ARHGAP15: variants seen among roughly 807,000 people sequenced by gnomAD.
ARHGAP15 encodes Rho GTPase activating protein 15, also known as rho GTPase-activating protein 15.
A neutral mutation model predicts 63.7 loss-of-function variants in ARHGAP15; 51 were observed. That is an observed-to-expected ratio of 0.80 (90% CI 0.64 to 1.01). ARHGAP15 has a LOEUF of 1.01. Ranked by LOEUF, ARHGAP15 falls within the 50% of genes least tolerant of loss-of-function variation. The pLI is 0.00. For synonymous variants in ARHGAP15, 191 were observed against 193.8 expected (o/e 0.99, Z 0.12); for missense variants, 560 against 564.6 (o/e 0.99, Z 0.08).
intron 12 of ARHGAP15, among the ~76,000 whole-genome samples, chr2:143,696,851 C>CAGAT (rs1375154894): frequency 5.3e-5 from 8 of 152,180 alleles, no homozygotes; most frequent in Non-Finnish European, 5.9e-5. Context: ...TTATTTGAGT[C>CAGAT]AGATAGATTC....
chr2:143,171,690 AC>A (rs1263304982), intron 2 of ARHGAP15, among the ~76,000 whole-genome samples: 1 of 152,128 alleles, frequency 6.6e-6, no homozygotes, highest in Non-Finnish European at 1.5e-5. Flanking sequence ...CTCAAGCTGT[AC>A]CTAACCCTAA....
chr2:143,286,696 G>A (rs577340153), intron 6 of ARHGAP15, among the ~76,000 whole-genome samples: 2 of 152,260 alleles, frequency 1.3e-5, no homozygotes, highest in South Asian at 4.1e-4. Context: ...AAATGGAAAT[G>A]CATCGGCAGG....
At chr2:143,623,535 A>G (rs1698723735) in intron 11 of ARHGAP15, among the ~76,000 whole-genome samples, 1 of 149,186 alleles carries the variant, frequency 6.7e-6, no homozygotes, top group Non-Finnish European at 1.5e-5. Context: ...GATGAGAACT[A>G]AAAAAAAAAG....
chr2:143,635,194 C>CTTTTTTTTTTTT lies in ARHGAP15; in HGVS notation c.1138+10945_1138+10956dup, dbSNP rs10558886. Among the ~76,000 whole-genome samples the CTTTTTTTTTTTT allele has an allele frequency of 6.7e-4, 18 of 26,888 alleles. 3 individuals carry two copies. Among genetic ancestry groups the CTTTTTTTTTTTT allele is most frequent in the Non-Finnish European group, 1.0e-3 (17 of 16,378 alleles). 17.6% of individuals were successfully genotyped at this position (26,888 alleles called of 152,430 possible). A position where few individuals can be genotyped will look rare whatever the true frequency, so the allele number is the denominator to read the frequency against. ...AACTTTCATATTAACCTCTCAGGAG[C>CTTTTTTTTTTTT]TTTTTTTTTTTTTTTTTTTTTTTTT... On this transcript the variant is annotated intron_variant, in intron 12 of 13. Transcript: ENST00000295095.
chr2:143,383,587 A>G (rs1687146175), intron 6 of ARHGAP15, among the ~76,000 whole-genome samples: 3 of 152,232 alleles, frequency 2.0e-5, no homozygotes, highest in African/African-American at 7.2e-5. Flanking sequence ...CATTCTCGAT[A>G]TTAAGCCAGA....
chr2:143,553,085 G>C (rs1695643546), intron 10 of ARHGAP15, among the ~76,000 whole-genome samples: 1 of 152,156 alleles, frequency 6.6e-6, no homozygotes, highest in Admixed American at 6.6e-5. Context: ...AGGATGGCAC[G>C]TGAATAATTG....
intron 8 of ARHGAP15, among the ~76,000 whole-genome samples, chr2:143,467,130 A>G (rs1691255526): frequency 6.6e-6 from 1 of 151,930 alleles, no homozygotes; most frequent in Non-Finnish European, 1.5e-5. Context: ...GTTTTCCTTC[A>G]CATTATAGTA....
At chr2:143,197,967 TACAC>T (rs5834941) in intron 2 of ARHGAP15, among the ~76,000 whole-genome samples, 285 of 148,584 alleles carry the variant, frequency 1.9e-3, no homozygotes, top group Middle Eastern at 7.0e-3. Context: ...AGTGACTGCC[TACAC>T]ACACACACAC....
At chr2:143,437,669 G>C (rs1558971094) in intron 8 of ARHGAP15, among the ~76,000 whole-genome samples, 1 of 152,146 alleles carries the variant, frequency 6.6e-6, no homozygotes, top group East Asian at 1.9e-4. Flanking sequence ...ATGAAAAGGG[G>C]TTATTAAAAT....
At chr2:143,517,632 A>C (rs189663279) in intron 9 of ARHGAP15, among the ~76,000 whole-genome samples, 58 of 152,286 alleles carry the variant, frequency 3.8e-4, no homozygotes, top group Admixed American at 9.8e-4. Context: ...CCTTCTAAGC[A>C]AGGGAAACAG....
At chr2:143,273,796 C>T (rs760552602) in intron 6 of ARHGAP15, among the ~76,000 whole-genome samples, 1 of 151,962 alleles carries the variant, frequency 6.6e-6, no homozygotes, top group African/African-American at 2.4e-5. Context: ...ATATTTTATT[C>T]CTATAAAACT....
chr2:143,538,668 AT>A (rs1694894102), intron 10 of ARHGAP15, among the ~76,000 whole-genome samples: 3 of 152,278 alleles, frequency 2.0e-5, no homozygotes, highest in Non-Finnish European at 4.4e-5. Flanking sequence ...TTCTCTGTTT[AT>A]GCTGGATTAC....
At chr2:143,746,671 G>C (rs1295555193) in intron 13 of ARHGAP15, among the ~76,000 whole-genome samples, 2 of 152,176 alleles carry the variant, frequency 1.3e-5, no homozygotes, top group East Asian at 3.8e-4. Flanking sequence ...TAAATGCAAA[G>C]AGTTTGCAAT....
intron 13 of ARHGAP15, among the ~76,000 whole-genome samples, chr2:143,715,008 C>T (rs1440179027): frequency 6.6e-6 from 1 of 152,148 alleles, no homozygotes; most frequent in Non-Finnish European, 1.5e-5. Context: ...TTCAGCAACG[C>T]CCCACTCTAT....
rs150405864 is a variant in ARHGAP15, at chr2:143,284,866, G to A, written c.474+34266G>A. 8.1e-4 allele frequency among the ~76,000 whole-genome samples: 123 copies of A among 152,310 alleles called. 1 individual carries two copies. Among genetic ancestry groups the A allele is most frequent in the Non-Finnish European group, 1.3e-3 (87 of 68,018 alleles). On this transcript the variant is annotated intron_variant, in intron 6 of 13. Coordinates refer to ENST00000295095, the MANE Select transcript of ARHGAP15 (RefSeq NM_018460.4). ...TGAAAAGTAAATTTTCAGCCTAAGA[G>A]TGGTAGATTTCAATGAATATACAAT...
At chr2:143,616,669 T>C (rs1376299959) in intron 11 of ARHGAP15, among the ~76,000 whole-genome samples, 2 of 152,202 alleles carry the variant, frequency 1.3e-5, no homozygotes, top group African/African-American at 2.4e-5. Context: ...CCAGGTTTTA[T>C]AGACCAGGTG....
chr2:143,581,550 G>A (rs555763631), intron 11 of ARHGAP15, among the ~76,000 whole-genome samples: 1 of 152,268 alleles, frequency 6.6e-6, no homozygotes, highest in South Asian at 2.1e-4. Context: ...ATTTGCCATA[G>A]CATTTAGTAC....
intron 10 of ARHGAP15, among the ~76,000 whole-genome samples, chr2:143,526,532 C>A (rs572131849): frequency 1.3e-5 from 2 of 152,226 alleles, no homozygotes; most frequent in South Asian, 4.1e-4. Flanking sequence ...CCTCAACTTA[C>A]CAAGATGCAA....
At chr2:143,248,153 A>G (rs1427897854) in intron 5 of ARHGAP15, among the ~76,000 whole-genome samples, 2 of 152,184 alleles carry the variant, frequency 1.3e-5, no homozygotes, top group African/African-American at 4.8e-5. Context: ...TGAAATTAAA[A>G]CAAGTAGTGG....
Sources: gnomAD v4.1 joint callset for allele counts (sites outside exome capture counted in the v4.1 genomes callset) on GRCh38, gnomAD v4.1.1 for gene constraint, MANE v1.5 for transcripts, NCBI Gene and HGNC (gene_info 2026-07-23, HGNC 2026-07-21) for gene names.